ANKAR: variants seen among roughly 807,000 people sequenced by gnomAD.
ANKAR encodes ankyrin and armadillo repeat containing, also known as ankyrin and armadillo repeat-containing protein.
Under a neutral mutation model 146.2 loss-of-function variants are expected in ANKAR, and 136 were observed. That is an observed-to-expected ratio of 0.93 (90% CI 0.81 to 1.07). The LOEUF (loss-of-function observed/expected upper bound fraction) is 1.07, where lower values mean the gene tolerates loss of function less well. Among genes scored for constraint, ANKAR ranks in the 50% least tolerant of loss-of-function variants. The pLI, the probability that ANKAR is intolerant of heterozygous loss-of-function variation, is 0.00. For missense variants in ANKAR, 1,567 were observed against 1,679.9 expected (o/e 0.93, Z 1.18); for synonymous variants, 500 against 575.8 (o/e 0.87, Z 1.88).
At chr2:189,705,695 C>T (rs989054423) in intron 8 of ANKAR, among the ~76,000 whole-genome samples, 3 of 152,100 alleles carry the variant, frequency 2.0e-5, no homozygotes, top group Non-Finnish European at 4.4e-5. Context: ...CTTTGGATTA[C>T]AGGAGAAATA....
At chr2:189,685,779 C>G (rs2035497716) in intron 2 of ANKAR, among the ~76,000 whole-genome samples, 1 of 152,114 alleles carries the variant, frequency 6.6e-6, no homozygotes, top group Non-Finnish European at 1.5e-5. Flanking sequence ...AAGTGCTGAA[C>G]TGTGGATATC....
At chr2:189,749,185 G>A (rs2044664977), downstream of ANKAR, among the ~76,000 whole-genome samples, 1 of 140,636 alleles carries the variant, frequency 7.1e-6, no homozygotes, top group Non-Finnish European at 1.5e-5. Flanking sequence ...GACGGAGGTT[G>A]CAGTGAGCCG....
chr2:189,708,647 G>A (rs2039282289), intron 9 of ANKAR, among the ~76,000 whole-genome samples: 1 of 152,150 alleles, frequency 6.6e-6, no homozygotes, highest in South Asian at 2.1e-4. Flanking sequence ...ATGCTGTTTG[G>A]CAGATTAGGT....
Position 189,689,808 on chromosome 2 carries a change from C to A in ANKAR, c.883C>A (p.Gln295Lys). 6.3e-7 allele frequency: 1 copy of A among 1,599,172 alleles called. No individual in the cohort carries two copies. Among genetic ancestry groups the A allele is most frequent in the Admixed American group, 1.7e-5 (1 of 57,426 alleles). The change falls in exon 3 of 23, where the codon CAA becomes AAA. Residue 295 changes from glutamine (Q) to lysine (K), a missense_variant. By Grantham distance (53) the Gln-to-Lys change is moderately conservative. Transcript: ENST00000684021. ...GAGACTACAGCAAAGATTATATCTT[C>A]AAAAAAAGATTATTCAAAAACACTT... ...YQRLQQRLYL[Q>K]KKIIQKHFEK...
At chr2:189,688,464 AT>A (rs2035927737) in intron 2 of ANKAR, among the ~76,000 whole-genome samples, 1 of 152,040 alleles carries the variant, frequency 6.6e-6, no homozygotes, top group African/African-American at 2.4e-5. Flanking sequence ...TCATATATAT[AT>A]TTAGGATTAT....
At chr2:189,692,679 A>ATT (rs1323966820) in intron 4 of ANKAR, 6 of 328,480 alleles carry the variant, frequency 1.8e-5, no homozygotes, top group Non-Finnish European at 3.3e-5. Flanking sequence ...AAGACTTCTA[A>ATT]TGGACTATAT....
chr2:189,705,275 T>TA, intron 8 of ANKAR, 51 bp downstream of exon 8: 2 of 1,372,516 alleles, frequency 1.5e-6, no homozygotes, highest in African/African-American at 1.5e-5. Context: ...TAGGCAATAA[T>TA]AAAAAAAAAA....
intron 2 of ANKAR, among the ~76,000 whole-genome samples, 187 bp downstream of exon 2, chr2:189,677,278 A>G (rs948370220): frequency 1.3e-5 from 2 of 151,866 alleles, no homozygotes; most frequent in Admixed American, 1.3e-4. Context: ...ATTCAATGCC[A>G]TTTTTAAAAT....
rs1398241163 is a variant in ANKAR, at chr2:189,743,385, AAAT to A, written c.3926_3928del (p.Asn1309del). On this transcript the variant is annotated inframe_deletion, in exon 21 of 23. Coordinates refer to ENST00000684021, the MANE Select transcript of ANKAR (RefSeq NM_001378068.1). ...AACCTAATCAGTTCATTCGTATAAA[AAAT>A]AATATCAGCAGAGATGCAAGTATTA... is the stretch of plus-strand genomic sequence containing the variant. The A allele has an allele frequency of 1.2e-6, 2 of 1,613,902 alleles. No homozygotes were observed. The highest frequency in any genetic ancestry group is 1.1e-5 in the South Asian group (1 of 91,068).
chr2:189,694,343 C>T (rs1159273014), intron 5 of ANKAR, among the ~76,000 whole-genome samples: 1 of 152,134 alleles, frequency 6.6e-6, no homozygotes, highest in Non-Finnish European at 1.5e-5. Flanking sequence ...GAAGTATTCA[C>T]CGCTGAAATC....
intron 19 of ANKAR, among the ~76,000 whole-genome samples, chr2:189,739,753 G>A (rs933437282): frequency 3.3e-5 from 5 of 151,918 alleles, no homozygotes; most frequent in South Asian, 2.1e-4. Context: ...TAGTAGAGAT[G>A]GGGTTTCACC....
At chr2:189,733,866 T>TC (rs60299461) in intron 17 of ANKAR, among the ~76,000 whole-genome samples, 149,202 of 152,036 alleles carry the variant, frequency 0.98, 73,269 homozygotes, top group East Asian at 1. Context: ...CAGAATCTAA[T>TC]CGGGGTCTCA....
intron 10 of ANKAR, among the ~76,000 whole-genome samples, chr2:189,719,059 A>G (rs2040926790): frequency 6.6e-6 from 1 of 152,184 alleles, no homozygotes. Flanking sequence ...TATTTTCACT[A>G]TGGCTAATTT....
At chr2:189,716,319 T>C (rs2040456761) in intron 10 of ANKAR, among the ~76,000 whole-genome samples, 1 of 152,200 alleles carries the variant, frequency 6.6e-6, no homozygotes, top group Admixed American at 6.5e-5. Context: ...AGCCAAATCA[T>C]GAGTGAACTC....
At chr2:189,704,689 C>T (rs1011021990) in intron 7 of ANKAR, among the ~76,000 whole-genome samples, 2 of 146,696 alleles carry the variant, frequency 1.4e-5, no homozygotes, top group African/African-American at 5.0e-5. Context: ...CTATTTTACA[C>T]ATTGACTTAA....
In ANKAR at chr2:189,738,622, G is replaced by A. The variant is rs2043061135; in HGVS notation, c.3640G>A (p.Gly1214Ser). 6.2e-7 allele frequency: 1 copy of A among 1,612,398 alleles called. No individual in the cohort carries two copies. The highest frequency in any genetic ancestry group is 8.5e-7 in the Non-Finnish European group (1 of 1,179,106). ...GGACCATATTACTTTGTCTGCAAGAGGTGTTACTATTTTAGTTGATAGTCT... is the reference window on the plus strand; with the variant it reads ...GGACCATATTACTTTGTCTGCAAGAAGTGTTACTATTTTAGTTGATAGTCT... The part of the protein sequence containing the change: ...DMDHITLSAR[G>S]VTILVDSLYS... Residue 1214 changes from glycine (G) to serine (S), a missense_variant, in exon 19 of 23, where the codon GGT (glycine) becomes AGT (serine). Physicochemically the swap from Gly to Ser is moderately conservative, Grantham distance 56. Transcript: ENST00000684021.
At chr2:189,749,138 C>T (rs948848263), downstream of ANKAR, among the ~76,000 whole-genome samples, 2 of 145,986 alleles carry the variant, frequency 1.4e-5, no homozygotes, top group African/African-American at 2.5e-5. Context: ...CCCAGCTACT[C>T]GGGAGGCTGA....
At chr2:189,751,724 C>T (rs1382788199) in intron 18 of ANKAR, among the ~76,000 whole-genome samples, 4 of 151,628 alleles carry the variant, frequency 2.6e-5, no homozygotes, top group African/African-American at 9.7e-5. Flanking sequence ...GGATTACAGG[C>T]ATGAGCCACC....
intron 2 of ANKAR, among the ~76,000 whole-genome samples, chr2:189,677,555 C>T (rs1182628885): frequency 6.6e-6 from 1 of 152,116 alleles, no homozygotes; most frequent in African/African-American, 2.4e-5. Flanking sequence ...CTTGCCATTC[C>T]TGAGTTACTT....
Sources: gnomAD v4.1 joint callset for allele counts (sites outside exome capture counted in the v4.1 genomes callset) on GRCh38, gnomAD v4.1.1 for gene constraint, MANE v1.5 for transcripts, NCBI Gene and HGNC (gene_info 2026-07-23, HGNC 2026-07-21) for gene names.